The following UST variants were observed in gnomAD, a reference collection of about 807,000 sequenced individuals.
The protein encoded by UST is uronyl 2-sulfotransferase.
In UST, 21 loss-of-function variants were observed where a neutral mutation model predicts 45.6. The ratio of observed to expected loss-of-function variants is 0.46; its 90% CI spans 0.33 to 0.66. The LOEUF is 0.66. Ranked by LOEUF, UST falls within the 30% of genes least tolerant of loss-of-function variation. The pLI is 0.02. For synonymous variants in UST, 215 were observed against 200.6 expected (o/e 1.07, Z -0.61); for missense variants, 463 against 512.4 (o/e 0.90, Z 0.93).
At chr6:148,923,943 A>G (rs2114900455) in intron 2 of UST, among the ~76,000 whole-genome samples, 1 of 152,278 alleles carries the variant, frequency 6.6e-6, no homozygotes, top group Middle Eastern at 3.4e-3. Context: ...GTCAGTAAAT[A>G]ATATTGGTGA....
At chr6:149,055,381 A>G (rs929867497) in intron 7 of UST, among the ~76,000 whole-genome samples, 1 of 152,186 alleles carries the variant, frequency 6.6e-6, no homozygotes, top group Non-Finnish European at 1.5e-5. Flanking sequence ...GAACATTATG[A>G]AATTTCATTT....
At chr6:148,827,742 A>C (rs1304659870) in intron 1 of UST, among the ~76,000 whole-genome samples, 1 of 151,578 alleles carries the variant, frequency 6.6e-6, no homozygotes, top group Non-Finnish European at 1.5e-5. Context: ...AAAAAAAAAA[A>C]ACCAACAACA....
rs577560252 is a variant in UST, at chr6:149,007,612, C to T, written c.682-11527C>T. Among the ~76,000 whole-genome samples the T allele has an allele frequency of 1.5e-3, 219 of 147,758 alleles. 3 individuals are homozygous for T. The highest frequency in any genetic ancestry group is 2.4e-3 in the Admixed American group (36 of 14,828). ...CTTTTTTTTGTATTTTTAGTAGAGA[C>T]GGGGTTTCACCATGTTGGCCAGACT... is the stretch of plus-strand genomic sequence containing the variant. On this transcript the variant is annotated intron_variant, in intron 5 of 7. Coordinates refer to ENST00000367463, the MANE Select transcript of UST (RefSeq NM_005715.3).
intron 1 of UST, among the ~76,000 whole-genome samples, chr6:148,812,502 A>G (rs1376783471): frequency 2.0e-5 from 3 of 152,204 alleles, no homozygotes; most frequent in Admixed American, 1.3e-4. Context: ...TTAGCTGCTC[A>G]TTAGGTCTCT....
intron 1 of UST, among the ~76,000 whole-genome samples, chr6:148,875,359 A>C (rs1778627976): frequency 6.6e-6 from 1 of 152,230 alleles, no homozygotes; most frequent in South Asian, 2.1e-4. Context: ...AATTTTTTGT[A>C]AATTTTAGAA....
intron 1 of UST, 133 bp downstream of exon 1, chr6:148,747,810 C>T (rs1029906205): frequency 3.4e-6 from 4 of 1,183,794 alleles, no homozygotes; most frequent in Admixed American, 3.9e-5. Context: ...GGTGCTAAGC[C>T]CGTGAGCATC....
At chr6:148,956,773 T>A (rs1273384406) in intron 4 of UST, among the ~76,000 whole-genome samples, 2 of 152,226 alleles carry the variant, frequency 1.3e-5, no homozygotes, top group African/African-American at 4.8e-5. Flanking sequence ...TTCTCTCTTC[T>A]ATACACTACA....
intron 2 of UST, among the ~76,000 whole-genome samples, chr6:148,917,676 A>C (rs537078323): frequency 6.6e-6 from 1 of 152,350 alleles, no homozygotes; most frequent in African/African-American, 2.4e-5. Context: ...CGGTGTGCTC[A>C]AACGCAAGGT....
rs1169999377 is a variant in UST, at chr6:149,075,090, G to A, written c.*974G>A. On this transcript the variant is annotated 3_prime_UTR_variant, in exon 8 of 8. Transcript: ENST00000367463. ...GGCATCAGGGAAAGGGCATGGCTGT[G>A]TCTTTTGCACCCAATATGAAACATC... 2.6e-5 allele frequency: 4 copies of A among 152,236 alleles called. No homozygotes were observed. The highest frequency in any genetic ancestry group is 9.6e-5 in the African/African-American group (4 of 41,462). The allele number at this position is 152,236 out of a possible 1,614,324, so 9.4% of individuals were successfully genotyped here. A position where few individuals can be genotyped will look rare whatever the true frequency, so the allele number is the denominator to read the frequency against.
At chr6:149,055,616 C>A (rs1191019617) in intron 7 of UST, among the ~76,000 whole-genome samples, 1 of 152,118 alleles carries the variant, frequency 6.6e-6, no homozygotes, top group Non-Finnish European at 1.5e-5. Flanking sequence ...CCTTTGAGCA[C>A]GTTTCTTAGT....
intron 1 of UST, among the ~76,000 whole-genome samples, chr6:148,869,077 A>G (rs1376264225): frequency 6.6e-6 from 1 of 152,222 alleles, no homozygotes; most frequent in African/African-American, 2.4e-5. Context: ...TAAGTAGATC[A>G]CTACCTTGGG....
chr6:148,841,587 G>GT (rs34969510), intron 1 of UST, among the ~76,000 whole-genome samples: 11 of 122,018 alleles, frequency 9.0e-5, no homozygotes, highest in Non-Finnish European at 1.5e-4. Context: ...TTTTGTTTTT[G>GT]TTTTTTTTTT....
rs755913729 is a variant in UST, at chr6:148,790,303, C to T, written c.247+42626C>T. On this transcript the variant is annotated intron_variant, in intron 1 of 7. Coordinates refer to ENST00000367463, the MANE Select transcript of UST (RefSeq NM_005715.3). The surrounding 1 kb of genome is among the most constrained non-coding windows in gnomAD (Gnocchi z 4.2). ...TGAAAGCTTCTGGGAGTAGAGACCC[C>T]GTTTTGCTGTCTGCTCTCTCCAGCG... is the stretch of plus-strand genomic sequence containing the variant. Among the ~76,000 whole-genome samples, 15 of 152,158 alleles carry T rather than the reference C, an allele frequency of 9.9e-5. No individual in the cohort carries two copies. Among genetic ancestry groups the T allele is most frequent in the African/African-American group, 1.7e-4 (7 of 41,442 alleles).
At chr6:149,071,044 G>A (rs1776811533) in intron 7 of UST, among the ~76,000 whole-genome samples, 1 of 152,148 alleles carries the variant, frequency 6.6e-6, no homozygotes, top group Admixed American at 6.6e-5. Flanking sequence ...GGGATTACAG[G>A]CATGAGCCAC....
chr6:148,947,857 C>A (rs1314396091), intron 3 of UST, among the ~76,000 whole-genome samples: 2 of 151,866 alleles, frequency 1.3e-5, no homozygotes, highest in African/African-American at 4.8e-5. Context: ...GTTCACACAG[C>A]CCTGCAGACG....
intron 7 of UST, among the ~76,000 whole-genome samples, chr6:149,029,354 A>G (rs901613375): frequency 2.2e-4 from 32 of 147,212 alleles, no homozygotes; most frequent in Admixed American, 4.8e-4. Context: ...TATATTATAT[A>G]TAAATTATAT....
At chr6:148,765,496 T>C (rs1019294866) in intron 1 of UST, among the ~76,000 whole-genome samples, 50 of 152,340 alleles carry the variant, frequency 3.3e-4, no homozygotes, top group African/African-American at 9.9e-4. Context: ...TCTAATTCTG[T>C]GAAAAATGAC....
At chr6:148,877,678 T>C (rs1354587818) in intron 1 of UST, among the ~76,000 whole-genome samples, 1 of 76,290 alleles carries the variant, frequency 1.3e-5, no homozygotes, top group East Asian at 4.0e-4. Context: ...CATGTATGAG[T>C]GCAGGGGGTC....
intron 7 of UST, among the ~76,000 whole-genome samples, chr6:149,041,488 C>T (rs1260080223): frequency 6.6e-6 from 1 of 152,318 alleles, no homozygotes; most frequent in Admixed American, 6.5e-5. Flanking sequence ...CTTTTGTCCC[C>T]TTGTCCATGC....
Sources: gnomAD v4.1 joint callset for allele counts (sites outside exome capture counted in the v4.1 genomes callset) on GRCh38, gnomAD v4.1.1 for gene constraint, Gnocchi (gnomAD v3.1) non-coding constraint, MANE v1.5 for transcripts, NCBI Gene and HGNC (gene_info 2026-07-23, HGNC 2026-07-21) for gene names.